PKHD1L1: variants seen among roughly 807,000 people sequenced by gnomAD.
PKHD1L1 encodes the protein fibrocystin-L.
Under a neutral mutation model 462.9 loss-of-function variants are expected in PKHD1L1, and 434 were observed. The observed-to-expected ratio is 0.94, with a 90% CI of 0.87 to 1.02. The LOEUF (loss-of-function observed/expected upper bound fraction) is 1.02. Ranked by LOEUF, PKHD1L1 falls within the 50% of genes least tolerant of loss-of-function variation. The pLI is 0.00. For synonymous variants in PKHD1L1, 1,781 were observed against 1,750.0 expected, an observed-to-expected ratio of 1.02 and a Z score of -0.44; for missense variants, 5,202 against 5,096.1, an observed-to-expected ratio of 1.02 and a Z score of -0.63.
At chr8:109,451,203 A>G in intron 41 of PKHD1L1, 54 bp downstream of exon 41, 2 of 1,505,714 alleles carry the variant, frequency 1.3e-6, no homozygotes, top group South Asian at 2.6e-5. Flanking sequence ...TTGAGCCATT[A>G]CTCCTGCTTT....
intron 77 of PKHD1L1, among the ~76,000 whole-genome samples, chr8:109,528,952 A>T (rs545972676): frequency 9.2e-5 from 14 of 152,150 alleles, no homozygotes; most frequent in Non-Finnish European, 1.9e-4. Context: ...AATTCATTTG[A>T]TGGGGGAGAG....
intron 50 of PKHD1L1, among the ~76,000 whole-genome samples, chr8:109,473,956 T>C (rs968870303): frequency 1.3e-5 from 2 of 152,146 alleles, no homozygotes; most frequent in East Asian, 3.9e-4. Flanking sequence ...GTTCCACTAA[T>C]GTCCCATTGG....
chr8:109,404,578 G>C lies in PKHD1L1; in HGVS notation c.1398G>C (p.Gln466His). The C allele has an allele frequency of 6.3e-7, 1 of 1,578,246 alleles. No homozygotes were observed. Among genetic ancestry groups the C allele is most frequent in the Non-Finnish European group, 8.6e-7 (1 of 1,161,348 alleles). Residue 466 changes from glutamine to histidine, a missense_variant, in exon 15 of 78, where the codon CAG (glutamine) becomes CAC (histidine). Transcript: ENST00000378402. ...GATACTATATTGAAATCTTGCTGCA[G>C]GAGTACAGATTAAGTGCATTTGTTG... is the stretch of plus-strand genomic sequence containing the variant. ...GKEYYIEILL[Q>H]EYRLSAFVDV... is the part of the protein sequence containing the mutation.
chr8:109,442,506 T>G (rs887286722), intron 35 of PKHD1L1, among the ~76,000 whole-genome samples: 5 of 152,182 alleles, frequency 3.3e-5, no homozygotes, highest in Non-Finnish European at 7.4e-5. Context: ...ACCAATCTGG[T>G]AGCAAGCGAT....
chr8:109,510,991 C>A, intron 71 of PKHD1L1, 57 bp downstream of exon 71: 1 of 1,557,410 alleles, frequency 6.4e-7, no homozygotes, highest in South Asian at 1.2e-5. Context: ...TTATTTCTAT[C>A]TGCTAAGGCT....
chr8:109,383,939 A>G, intron 4 of PKHD1L1, 131 bp from the exon 5 acceptor site: 2 of 710,640 alleles, frequency 2.8e-6, no homozygotes, highest in Non-Finnish European at 4.9e-6. Context: ...TCTTATTTAA[A>G]TATCTTCTTT....
In PKHD1L1 at chr8:109,497,245, A is replaced by G; in HGVS notation, c.10572A>G (p.Lys3524=). 1 of 1,613,550 alleles carries G rather than the reference A, an allele frequency of 6.2e-7. No homozygotes were observed. The highest frequency in any genetic ancestry group is 1.1e-5 in the South Asian group (1 of 91,046). ...ACATGCCAGCTGCTATATCACACAA[A>G]ATTTCCAGTAAAAATGTACAAATTA... ...MIYMPAAISH[K]ISSKNVQIKS... is the part of the protein sequence containing the mutation. The change falls in exon 65 of 78, where the codon AAA becomes AAG. Residue 3524 remains lysine, a synonymous_variant. Coordinates refer to ENST00000378402, the MANE Select transcript of PKHD1L1 (RefSeq NM_177531.6).
chr8:109,486,623 T>C, intron 58 of PKHD1L1, 25 bp from the exon 59 acceptor site: 1 of 1,600,806 alleles, frequency 6.2e-7, no homozygotes, highest in Non-Finnish European at 8.5e-7. Context: ...GCATTGGCAA[T>C]AATCTAGCTG....
At chr8:109,485,322 C>T in intron 58 of PKHD1L1, 149 bp downstream of exon 58, 2 of 661,140 alleles carry the variant, frequency 3.0e-6, no homozygotes, top group South Asian at 2.7e-5. Context: ...GTGAGTGCTG[C>T]TCTTTCTGTG....
chr8:109,459,209 AG>A (rs1172681659), intron 46 of PKHD1L1, among the ~76,000 whole-genome samples: 1 of 152,056 alleles, frequency 6.6e-6, no homozygotes, highest in South Asian at 2.1e-4. Context: ...TGCCAGTAGC[AG>A]CCCCCAATTG....
intron 63 of PKHD1L1, among the ~76,000 whole-genome samples, chr8:109,495,398 A>G (rs1412454109): frequency 2.6e-5 from 4 of 152,098 alleles, no homozygotes; most frequent in Admixed American, 2.6e-4. Flanking sequence ...TTCACTGACT[A>G]TGTTGGTATT....
chr8:109,435,078 T>C (rs1024041551), intron 28 of PKHD1L1, 112 bp from the exon 29 acceptor site: 113 of 1,097,950 alleles, frequency 1.0e-4, no homozygotes, highest in Non-Finnish European at 1.4e-4. Flanking sequence ...TCTTTGGATA[T>C]ACTTCGTGAG....
chr8:109,406,203 A>G, intron 16 of PKHD1L1, 132 bp from the exon 17 acceptor site: 1 of 735,036 alleles, frequency 1.4e-6, no homozygotes, highest in East Asian at 3.2e-5. Flanking sequence ...AATTTCTCTA[A>G]GTGATAACTT....
intron 45 of PKHD1L1, among the ~76,000 whole-genome samples, chr8:109,455,587 A>G (rs572738835): frequency 3.3e-5 from 5 of 152,154 alleles, no homozygotes; most frequent in Non-Finnish European, 5.9e-5. Flanking sequence ...TTAAATTTGT[A>G]TCTGAAAATG....
chr8:109,384,005 T>C (rs1812301425), intron 4 of PKHD1L1, 65 bp from the exon 5 acceptor site: 1 of 1,050,344 alleles, frequency 9.5e-7, no homozygotes, highest in Non-Finnish European at 1.5e-6. Flanking sequence ...TAAGAAATTA[T>C]CTATTTCACA....
At chr8:109,472,455 T>C (rs1817770314) in intron 50 of PKHD1L1, among the ~76,000 whole-genome samples, 1 of 152,162 alleles carries the variant, frequency 6.6e-6, no homozygotes, top group African/African-American at 2.4e-5. Context: ...ATTTATAACA[T>C]TTTAGCTTTC....
chr8:109,524,860 C>A lies in PKHD1L1; in HGVS notation c.12484+1474C>A, dbSNP rs151167623. Among the ~76,000 whole-genome samples the A allele has an allele frequency of 4.0e-3, 603 of 150,764 alleles. 4 individuals are homozygous for A. Among genetic ancestry groups the A allele is most frequent in the South Asian group, 0.035 (163 of 4,702 alleles). On this transcript the variant is annotated intron_variant, in intron 76 of 77. Transcript: ENST00000378402. Reference sequence around the variant, plus strand: ...CCTTCTGTCCTTCCTTCCATCCCTCCTTCCCTCCCCCTCTGTCCTCTCTGT... The same window carrying A: ...CCTTCTGTCCTTCCTTCCATCCCTCATTCCCTCCCCCTCTGTCCTCTCTGT...
Position 109,465,067 on chromosome 8 carries a change from C to A in PKHD1L1, c.8235C>A (p.Asn2745Lys), listed in dbSNP as rs1817362543. ...GLTVSSVHFM[N>K]FDRPNCVALG... Reference sequence around the variant, plus strand: ...CTGTCTCTTCTGTGCACTTTATGAACTTTGACCGTCCCAACTGTGTAGCTT... The same window carrying A: ...CTGTCTCTTCTGTGCACTTTATGAAATTTGACCGTCCCAACTGTGTAGCTT... The change falls in exon 49 of 78, where the codon AAC (asparagine) becomes AAA (lysine). Residue 2745 changes from asparagine to lysine, a missense_variant. By Grantham distance (94) the Asn-to-Lys change is moderately conservative (BLOSUM62 0). This residue lies in a region of PKHD1L1 where 4,497 missense variants were observed against 4,336.8 expected (regional missense o/e 1.04). Coordinates refer to ENST00000378402, the MANE Select transcript of PKHD1L1 (RefSeq NM_177531.6). 2.5e-6 allele frequency: 4 copies of A among 1,613,696 alleles called. No individual in the cohort carries two copies.
intron 1 of PKHD1L1, 94 bp downstream of exon 1, chr8:109,362,747 G>T (rs1586348532): frequency 5.1e-6 from 7 of 1,373,016 alleles, no homozygotes; most frequent in Non-Finnish European, 7.1e-6. Flanking sequence ...GGACCACCTG[G>T]CACCTGGCTG....
Sources: gnomAD v4.1 joint callset for allele counts (sites outside exome capture counted in the v4.1 genomes callset) on GRCh38, gnomAD v4.1.1 for gene constraint, gnomAD v4.1.1 regional missense constraint, MANE v1.5 for transcripts, NCBI Gene and HGNC (gene_info 2026-07-23, HGNC 2026-07-21) for gene names.